PPP2R5E: variants seen among roughly 807,000 people sequenced by gnomAD.
PPP2R5E encodes protein phosphatase 2 regulatory subunit B'epsilon, also known as serine/threonine-protein phosphatase 2A 56 kDa regulatory subunit epsilon isoform.
In PPP2R5E, 4 loss-of-function variants were observed where a neutral mutation model predicts 65.3. The ratio of observed to expected loss-of-function variants is 0.06; its 90% CI spans 0.03 to 0.14. The LOEUF is 0.14. Among genes scored for constraint, PPP2R5E ranks in the 10% least tolerant of loss-of-function variants. The pLI is 1.00. For synonymous variants in PPP2R5E, 183 were observed against 187.4 expected, an observed-to-expected ratio of 0.98 and a Z score of 0.19; for missense variants, 274 against 556.1, an observed-to-expected ratio of 0.49 and a Z score of 5.10.
chr14:63,440,060 C>T (rs1023252956), intron 3 of PPP2R5E, among the ~76,000 whole-genome samples: 1 of 152,140 alleles, frequency 6.6e-6, no homozygotes, highest in Non-Finnish European at 1.5e-5. Flanking sequence ...GGTAAGGTAT[C>T]GCCACGCCAA....
rs535219008 is a variant in PPP2R5E, at chr14:63,539,578, A to C, written c.108T>G (p.Phe36Leu). ...ACTCAATAGGCTTGCCTTGAGACCT[A>C]AACTGTGAGGAACTTTGCGACCTCT... ...RQKRSQSSSQFRSQGKPIELT... is the reference protein window; with the variant it reads ...RQKRSQSSSQLRSQGKPIELT... The change falls in exon 2 of 14, where the codon TTT (phenylalanine) becomes TTG (leucine). Residue 36 changes from phenylalanine (F) to leucine (L), a missense_variant. By Grantham distance (22) the Phe-to-Leu change is conservative. Around this residue, in one of 6 missense-constraint regions of PPP2R5E, gnomAD observed 58 missense variants for 64.8 expected, o/e 0.90. Coordinates refer to ENST00000337537, the MANE Select transcript of PPP2R5E (RefSeq NM_006246.5). The C allele has an allele frequency of 1.9e-6, 3 of 1,614,104 alleles. No homozygotes were observed. The highest frequency in any genetic ancestry group is 1.3e-5 in the African/African-American group (1 of 75,040).
intron 3 of PPP2R5E, among the ~76,000 whole-genome samples, chr14:63,440,661 G>A (rs1386037121): frequency 6.6e-5 from 10 of 151,854 alleles, no homozygotes; most frequent in South Asian, 2.1e-4. Flanking sequence ...GTTCTGGGCC[G>A]GGTGCAGTGG....
At chr14:63,489,712 C>T (rs76623675) in intron 2 of PPP2R5E, among the ~76,000 whole-genome samples, 2,542 of 152,144 alleles carry the variant, frequency 0.017, 64 homozygotes, top group African/African-American at 0.057. Flanking sequence ...CCAGCCAATA[C>T]CAAAATTCTT....
At chr14:63,492,412 T>A (rs1891325219) in intron 2 of PPP2R5E, among the ~76,000 whole-genome samples, 1 of 152,080 alleles carries the variant, frequency 6.6e-6, no homozygotes, top group African/African-American at 2.4e-5. Context: ...AAACCAAATA[T>A]AAAGGTGGCC....
At chr14:63,511,032 AT>A (rs1892431673) in intron 2 of PPP2R5E, among the ~76,000 whole-genome samples, 1 of 152,234 alleles carries the variant, frequency 6.6e-6, no homozygotes, top group South Asian at 2.1e-4. Context: ...TCCCAAGTAC[AT>A]TTATGGCAGA....
chr14:63,484,846 T>G (rs948805259), intron 2 of PPP2R5E, among the ~76,000 whole-genome samples: 1 of 152,202 alleles, frequency 6.6e-6, no homozygotes, highest in Admixed American at 6.5e-5. Context: ...AAGCCAATAG[T>G]ATCTTGTAAA....
At chr14:63,522,540 A>G (rs1892968047) in intron 2 of PPP2R5E, among the ~76,000 whole-genome samples, 4 of 149,094 alleles carry the variant, frequency 2.7e-5, no homozygotes, top group Admixed American at 2.7e-4. Flanking sequence ...GGAAGTGAGG[A>G]GCGTCTCTGC....
At chr14:63,427,008 C>A (rs1292010195) in intron 3 of PPP2R5E, among the ~76,000 whole-genome samples, 1 of 152,204 alleles carries the variant, frequency 6.6e-6, no homozygotes, top group Admixed American at 6.5e-5. Flanking sequence ...TGGTTAAAAA[C>A]CAAGGTCCTA....
In PPP2R5E at chr14:63,505,297, A is replaced by G. The variant is rs936372983; in HGVS notation, c.157+34232T>C. 1.3e-5 allele frequency among the ~76,000 whole-genome samples: 2 copies of G among 152,156 alleles called. 1 individual carries two copies. The highest frequency in any genetic ancestry group is 1.3e-4 in the Admixed American group (2 of 15,290). Reference sequence around the variant, plus strand: ...GTGAGACTCTGTCAAATAAATAAATAAATACTAAGACCATCTAATCTGGTA... The same window carrying G: ...GTGAGACTCTGTCAAATAAATAAATGAATACTAAGACCATCTAATCTGGTA... On this transcript the variant is annotated intron_variant, in intron 2 of 13. Transcript: ENST00000337537.
chr14:63,377,310 T>C (rs1379468487), intron 13 of PPP2R5E, among the ~76,000 whole-genome samples: 1 of 152,186 alleles, frequency 6.6e-6, no homozygotes, highest in Non-Finnish European at 1.5e-5. Flanking sequence ...CACAGTACAA[T>C]TTCTACGCAG....
intron 2 of PPP2R5E, among the ~76,000 whole-genome samples, chr14:63,507,594 T>C (rs1164604483): frequency 6.8e-6 from 1 of 147,038 alleles, no homozygotes; most frequent in South Asian, 2.2e-4. Context: ...TTTTTTTTTT[T>C]TTTGAGACGG....
chr14:63,377,195 TA>T (rs1366910611), intron 13 of PPP2R5E, among the ~76,000 whole-genome samples: 1 of 151,840 alleles, frequency 6.6e-6, no homozygotes, highest in Non-Finnish European at 1.5e-5. Context: ...TTAACATTCA[TA>T]AATCCAGGAA....
At chr14:63,379,080 G>A (rs542967031) in intron 13 of PPP2R5E, among the ~76,000 whole-genome samples, 1 of 151,402 alleles carries the variant, frequency 6.6e-6, no homozygotes, top group African/African-American at 2.4e-5. Context: ...CCAGGCTGGA[G>A]TGCAGTGGTG....
intron 5 of PPP2R5E, among the ~76,000 whole-genome samples, chr14:63,413,706 A>AT (rs963068321): frequency 4.6e-5 from 7 of 151,918 alleles, no homozygotes; most frequent in Non-Finnish European, 7.4e-5. Flanking sequence ...TATCACTTAC[A>AT]TTTTTTTTGA....
At chr14:63,457,387 C>G (rs73274634) in intron 2 of PPP2R5E, among the ~76,000 whole-genome samples, 5,314 of 152,102 alleles carry the variant, frequency 0.035, 287 homozygotes, top group African/African-American at 0.12. Context: ...AAAACAAAAA[C>G]ATATCATAAA....
rs534378627 is a variant in PPP2R5E at position 63,371,570 on chromosome 14, G to A, written c.*4439C>T. On this transcript the variant is annotated 3_prime_UTR_variant, in exon 14 of 14. Coordinates refer to ENST00000337537, the MANE Select transcript of PPP2R5E (RefSeq NM_006246.5). ...CTTGTATTTTGTGGTGTTTGAAAAG[G>A]AAGTAGCATGTTTTAGCCAGAGGTG... 3.7e-4 allele frequency: 56 copies of A among 152,286 alleles called. No individual in the cohort carries two copies. The highest frequency in any genetic ancestry group is 1.3e-3 in the African/African-American group (54 of 41,542). The allele number at this position is 152,286 out of a possible 1,614,324, so 9.4% of individuals were successfully genotyped here.
At chr14:63,434,107 C>T (rs1218629579) in intron 3 of PPP2R5E, among the ~76,000 whole-genome samples, 2 of 152,106 alleles carry the variant, frequency 1.3e-5, no homozygotes, top group Admixed American at 1.3e-4. Context: ...CCTATTTACT[C>T]AAAAGTTAGT....
At chr14:63,501,514 A>AT (rs1404500204) in intron 2 of PPP2R5E, among the ~76,000 whole-genome samples, 1 of 152,180 alleles carries the variant, frequency 6.6e-6, no homozygotes, top group Non-Finnish European at 1.5e-5. Context: ...TAGATTAGTG[A>AT]TTAAAGTAGA....
chr14:63,413,640 T>G (rs1217291185), intron 5 of PPP2R5E, among the ~76,000 whole-genome samples: 1 of 152,224 alleles, frequency 6.6e-6, no homozygotes. Context: ...GCTCTGACAA[T>G]TAGACAGCAC....
Sources: allele counts gnomAD v4.1 joint callset (sites outside exome capture counted in the v4.1 genomes callset), GRCh38; gene constraint gnomAD v4.1.1; regional missense constraint gnomAD v4.1.1; transcripts MANE v1.5; gene names NCBI Gene and HGNC (gene_info 2026-07-23, HGNC 2026-07-21).